UGT1A8: variants seen among roughly 807,000 people sequenced by gnomAD.
UGT1A8 encodes the protein UDP-glucuronosyltransferase 1A8.
UGT1A8 carries 39 observed loss-of-function variants against 45.3 expected under a neutral mutation model. The observed-to-expected ratio is 0.86, with a 90% CI of 0.67 to 1.12. The LOEUF is 1.12. Ranked by LOEUF, UGT1A8 falls within the 50% of genes most tolerant of loss-of-function variation. UGT1A8 has a pLI of 0.00. For missense variants in UGT1A8, 719 were observed against 664.9 expected (o/e 1.08, Z -0.90); for synonymous variants, 275 against 249.2 (o/e 1.10, Z -0.97).
At chr2:233,622,954 T>C (rs953338650) in intron 1 of UGT1A8, among the ~76,000 whole-genome samples, 23 of 152,190 alleles carry the variant, frequency 1.5e-4, no homozygotes, top group African/African-American at 5.3e-4. Context: ...GGCTAGCCAG[T>C]TTTCCCAGCA....
chr2:233,700,524 T>A (rs1335127012), intron 1 of UGT1A8, among the ~76,000 whole-genome samples: 1 of 152,166 alleles, frequency 6.6e-6, no homozygotes, highest in Non-Finnish European at 1.5e-5. Flanking sequence ...GTAATTTAGA[T>A]AACTCTAGGA....
Position 233,618,207 on chromosome 2 carries a change from T to C in UGT1A8, c.500T>C (p.Val167Ala). ...AAATATTTCTCCCTCCCCTCTGTGG[T>C]CTTCGCCAGGGGAATAGCTTGCCAC... is the stretch of plus-strand genomic sequence containing the variant. ...VAKYFSLPSV[V>A]FARGIACHYL... is the part of the protein sequence containing the mutation. Residue 167 changes from valine (V) to alanine (A), a missense_variant, in exon 1 of 5, where the codon GTC becomes GCC. Coordinates refer to ENST00000373450, the MANE Select transcript of UGT1A8 (RefSeq NM_019076.5). The C allele has an allele frequency of 1.2e-6, 2 of 1,614,008 alleles. No individual in the cohort carries two copies. Among genetic ancestry groups the C allele is most frequent in the East Asian group, 2.2e-5 (1 of 44,872 alleles).
chr2:233,619,140 A>C (rs530969761), intron 1 of UGT1A8, among the ~76,000 whole-genome samples: 1 of 151,914 alleles, frequency 6.6e-6, no homozygotes, highest in Admixed American at 6.6e-5. Context: ...TGCAATATCT[A>C]ATGTAAATTC....
At chr2:233,729,915 G>A in intron 1 of UGT1A8, 3 of 1,613,956 alleles carry the variant, frequency 1.9e-6, no homozygotes, top group Middle Eastern at 3.3e-4. Context: ...ACTTTGTGAT[G>A]GACTACCCCA....
intron 1 of UGT1A8, among the ~76,000 whole-genome samples, chr2:233,739,443 A>C (rs965423718): frequency 3.9e-5 from 6 of 152,204 alleles, no homozygotes; most frequent in African/African-American, 7.2e-5. Flanking sequence ...TACCCTGCAA[A>C]GCCACAGGGT....
chr2:233,683,154 T>G (rs2074620645), intron 1 of UGT1A8, among the ~76,000 whole-genome samples: 3 of 152,308 alleles, frequency 2.0e-5, no homozygotes, highest in Admixed American at 1.3e-4. Flanking sequence ...TGTTTTCAAT[T>G]TTTTTGAAAT....
intron 1 of UGT1A8, chr2:233,743,958 G>C (rs747210262): frequency 1.5e-6 from 2 of 1,336,694 alleles, no homozygotes; most frequent in Non-Finnish European, 2.0e-6. Flanking sequence ...GGCACAGCGA[G>C]CGGCAAGGCT....
intron 1 of UGT1A8, among the ~76,000 whole-genome samples, chr2:233,665,064 C>T (rs2074044627): frequency 6.6e-6 from 1 of 152,150 alleles, no homozygotes; most frequent in Non-Finnish European, 1.5e-5. Context: ...TTATTTTATG[C>T]ATATGCAGAT....
At chr2:233,640,199 G>A (rs561970608) in intron 1 of UGT1A8, among the ~76,000 whole-genome samples, 11 of 152,260 alleles carry the variant, frequency 7.2e-5, no homozygotes, top group African/African-American at 2.6e-4. Context: ...TATTTTCAAA[G>A]TTTTCAAACA....
intron 1 of UGT1A8, among the ~76,000 whole-genome samples, chr2:233,651,451 T>C (rs1292104030): frequency 6.6e-6 from 1 of 152,336 alleles, no homozygotes; most frequent in East Asian, 1.9e-4. Flanking sequence ...TTGTATGTAT[T>C]AAAGGATAGG....
chr2:233,677,982 A>G (rs939472601), intron 1 of UGT1A8, among the ~76,000 whole-genome samples: 1 of 152,240 alleles, frequency 6.6e-6, no homozygotes. Flanking sequence ...TGGAATATGC[A>G]GCCATAAAAA....
intron 1 of UGT1A8, among the ~76,000 whole-genome samples, chr2:233,714,749 T>G (rs1318708109): frequency 6.6e-6 from 1 of 152,248 alleles, no homozygotes. Flanking sequence ...AGCATATATT[T>G]GACACTTACA....
chr2:233,679,660 G>A (rs1176827503), intron 1 of UGT1A8, among the ~76,000 whole-genome samples: 1 of 152,034 alleles, frequency 6.6e-6, no homozygotes, highest in Non-Finnish European at 1.5e-5. Flanking sequence ...TGGCATCTGG[G>A]AACTCATCTG....
chr2:233,749,815 C>T (rs1374657225), intron 1 of UGT1A8, among the ~76,000 whole-genome samples: 1 of 151,874 alleles, frequency 6.6e-6, no homozygotes, highest in African/African-American at 2.4e-5. Flanking sequence ...AGCTCTTCCT[C>T]TTTCTCTCTT....
intron 1 of UGT1A8, among the ~76,000 whole-genome samples, chr2:233,688,311 G>A (rs552862913): frequency 3.3e-5 from 5 of 152,302 alleles, no homozygotes; most frequent in African/African-American, 1.2e-4. Context: ...CCATTCATCA[G>A]TTGGTGGACA....
At chr2:233,739,666 C>T (rs1691171708) in intron 1 of UGT1A8, among the ~76,000 whole-genome samples, 1 of 152,188 alleles carries the variant, frequency 6.6e-6, no homozygotes, top group East Asian at 1.9e-4. Context: ...CCCATTGTGT[C>T]TTGGAAGTTA....
At chr2:233,707,645 T>C (rs542813873) in intron 1 of UGT1A8, among the ~76,000 whole-genome samples, 94 of 152,138 alleles carry the variant, frequency 6.2e-4, no homozygotes, top group African/African-American at 2.2e-3. Flanking sequence ...ATTGTATGAA[T>C]ACACCACAAT....
chr2:233,751,234 G>T (rs1326079601), intron 1 of UGT1A8, among the ~76,000 whole-genome samples: 1 of 151,962 alleles, frequency 6.6e-6, no homozygotes, highest in East Asian at 1.9e-4. Flanking sequence ...GCCCTGCCTG[G>T]TTTTGGACTT....
chr2:233,627,428 G>C (rs1170718185), intron 1 of UGT1A8, among the ~76,000 whole-genome samples: 1 of 151,880 alleles, frequency 6.6e-6, no homozygotes, highest in Non-Finnish European at 1.5e-5. Flanking sequence ...GCTTTAAGTT[G>C]TCATATAATG....
Sources: allele counts gnomAD v4.1 joint callset (sites outside exome capture counted in the v4.1 genomes callset), GRCh38; gene constraint gnomAD v4.1.1; transcripts MANE v1.5; gene names NCBI Gene and HGNC (gene_info 2026-07-23, HGNC 2026-07-21).